The following POLR3A variants were observed in gnomAD, a reference collection of about 807,000 sequenced individuals.
The protein encoded by POLR3A is RNA polymerase III subunit A, also known as DNA-directed RNA polymerase III subunit RPC1.
In POLR3A, 112 loss-of-function variants were observed where a neutral mutation model predicts 152.8. That is an observed-to-expected ratio of 0.73 (90% CI 0.63 to 0.86). The LOEUF is 0.86. Ranked by LOEUF, POLR3A falls within the 40% of genes least tolerant of loss-of-function variation. The pLI is 0.00. For synonymous variants in POLR3A, 615 were observed against 652.1 expected (o/e 0.94, Z 0.87); for missense variants, 1,385 against 1,743.1 (o/e 0.79, Z 3.66).
intron 4 of POLR3A, 55 bp downstream of exon 4, chr10:78,024,916 C>T: frequency 6.3e-7 from 1 of 1,594,020 alleles, no homozygotes; most frequent in Non-Finnish European, 8.6e-7. Flanking sequence ...ATAAACTAAA[C>T]AGAAGACAGT....
chr10:77,994,932 A>C (rs1412414115), intron 19 of POLR3A, among the ~76,000 whole-genome samples: 1 of 152,250 alleles, frequency 6.6e-6, no homozygotes, highest in South Asian at 2.1e-4. Context: ...TTACCCACAA[A>C]GGGAAGCCCA....
In POLR3A at chr10:77,980,101, T is replaced by C. The variant is rs182372245; in HGVS notation, c.4024+40A>G. On this transcript the variant is annotated intron_variant, in intron 30 of 30. Coordinates refer to ENST00000372371, the MANE Select transcript of POLR3A (RefSeq NM_007055.4). ...CTAGCCATGGTCTATTTGTAAATAG[T>C]AAAGGCCTTTGATGCTGTTCATAGA... 2,236 of 1,594,352 alleles carry C rather than the reference T, an allele frequency of 1.4e-3. 6 individuals carry two copies. The highest frequency in any genetic ancestry group is 1.1e-3 in the Non-Finnish European group (1,335 of 1,162,022).
chr10:78,015,523 T>A (rs1006597030), intron 10 of POLR3A, among the ~76,000 whole-genome samples: 2 of 152,120 alleles, frequency 1.3e-5, no homozygotes, highest in Admixed American at 6.6e-5. Flanking sequence ...AGATGGGGTT[T>A]CATTATGCTG....
At chr10:78,005,276 C>T (rs778550283) in intron 15 of POLR3A, among the ~76,000 whole-genome samples, 4 of 152,304 alleles carry the variant, frequency 2.6e-5, no homozygotes, top group East Asian at 1.9e-4. Flanking sequence ...GCAGGAGGCT[C>T]GCTTGATCCC....
At chr10:78,000,496 G>C (rs1050491332) in intron 18 of POLR3A, among the ~76,000 whole-genome samples, 4 of 152,194 alleles carry the variant, frequency 2.6e-5, no homozygotes, top group African/African-American at 9.6e-5. Context: ...CTGTGGGCCA[G>C]ACCTGCCCAC....
intron 19 of POLR3A, among the ~76,000 whole-genome samples, chr10:77,994,749 C>T (rs1847282705): frequency 1.3e-5 from 2 of 152,114 alleles, no homozygotes; most frequent in African/African-American, 4.8e-5. Flanking sequence ...AGGATGTTAT[C>T]CAGGAGAACT....
At chr10:77,995,190 C>A (rs917749757) in intron 19 of POLR3A, among the ~76,000 whole-genome samples, 2 of 152,248 alleles carry the variant, frequency 1.3e-5, no homozygotes, top group South Asian at 2.1e-4. Flanking sequence ...ATAACCGGTA[C>A]CAGCCACTGC....
chr10:77,995,341 C>T (rs1463069102), intron 19 of POLR3A, among the ~76,000 whole-genome samples: 2 of 152,150 alleles, frequency 1.3e-5, no homozygotes, highest in African/African-American at 4.8e-5. Flanking sequence ...GGGCTAAATG[C>T]TCCAATTAAA....
In POLR3A at chr10:77,980,016, G is replaced by A; in HGVS notation, c.4024+125C>T. On this transcript the variant is annotated intron_variant, in intron 30 of 30. Coordinates refer to ENST00000372371, the MANE Select transcript of POLR3A (RefSeq NM_007055.4). ...CCAGCAGTTCCAATTCGTGTCTATT[G>A]ACATTATTCTTGAAAAAATAAACGC... 5 of 875,576 alleles carry A rather than the reference G, an allele frequency of 5.7e-6. No homozygotes were observed. In the Admixed American group the frequency reaches 8.6e-5, roughly 15 times the overall value. The allele number at this position is 875,576 out of a possible 1,614,324, so 54.2% of individuals were successfully genotyped here.
At chr10:78,013,329 A>T (rs771677390) in intron 11 of POLR3A, 34 of 361,428 alleles carry the variant, frequency 9.4e-5, no homozygotes, top group South Asian at 1.3e-4. Flanking sequence ...ATATTGCTAT[A>T]TTCTTTTCTT....
intron 1 of POLR3A, among the ~76,000 whole-genome samples, chr10:78,026,837 G>A (rs1173758262): frequency 6.6e-6 from 1 of 152,158 alleles, no homozygotes; most frequent in Admixed American, 6.5e-5. Context: ...CTCCTGGACA[G>A]TTCCACCTAG....
chr10:77,980,398 G>A, intron 29 of POLR3A, 125 bp from the exon 30 acceptor site: 1 of 851,982 alleles, frequency 1.2e-6, no homozygotes. Context: ...GGTGTGAAAG[G>A]CCCTGAGGAG....
At chr10:77,995,055 C>G (rs1448810296) in intron 19 of POLR3A, among the ~76,000 whole-genome samples, 1 of 152,178 alleles carries the variant, frequency 6.6e-6, no homozygotes, top group African/African-American at 2.4e-5. Flanking sequence ...CATATCCAGC[C>G]AAACTAAGCT....
intron 1 of POLR3A, among the ~76,000 whole-genome samples, chr10:78,026,594 C>T (rs1055907165): frequency 5.3e-5 from 8 of 152,204 alleles, no homozygotes; most frequent in African/African-American, 1.9e-4. Context: ...GAGTTTTCTT[C>T]TTCCCTTCTC....
intron 19 of POLR3A, among the ~76,000 whole-genome samples, 178 bp downstream of exon 19, chr10:77,999,803 T>C (rs1441853998): frequency 2.0e-5 from 3 of 152,196 alleles, no homozygotes; most frequent in Middle Eastern, 3.2e-3. Flanking sequence ...ATTCGGAACA[T>C]ACTACATTTT....
chr10:77,993,715 A>G (rs1286364607), intron 19 of POLR3A, among the ~76,000 whole-genome samples: 1 of 152,198 alleles, frequency 6.6e-6, no homozygotes, highest in African/African-American at 2.4e-5. Flanking sequence ...TTAATGCAAT[A>G]GCTTTGCATT....
intron 14 of POLR3A, among the ~76,000 whole-genome samples, chr10:78,009,061 G>A (rs1400913249): frequency 6.8e-6 from 1 of 147,658 alleles, no homozygotes; most frequent in Non-Finnish European, 1.5e-5. Flanking sequence ...GCTGAGGCAG[G>A]AGAATCGCTT....
intron 21 of POLR3A, among the ~76,000 whole-genome samples, chr10:77,987,547 T>C (rs544611789): frequency 1.7e-3 from 262 of 152,228 alleles, no homozygotes; most frequent in Non-Finnish European, 3.2e-3. Context: ...CAGCATGCCC[T>C]GCCCAAAGTC....
At chr10:77,998,656 A>C (rs1414178387) in intron 19 of POLR3A, among the ~76,000 whole-genome samples, 3 of 152,140 alleles carry the variant, frequency 2.0e-5, no homozygotes, top group Admixed American at 6.6e-5. Context: ...AAACAACAGG[A>C]GCTGGAGAGG....
Sources: allele counts gnomAD v4.1 joint callset (sites outside exome capture counted in the v4.1 genomes callset), GRCh38; gene constraint gnomAD v4.1.1; transcripts MANE v1.5; gene names NCBI Gene and HGNC (gene_info 2026-07-23, HGNC 2026-07-21).